The following MRPS18B variants were observed in gnomAD, a reference collection of about 807,000 sequenced individuals.
The protein encoded by MRPS18B is mitochondrial ribosomal protein S18B, also known as small ribosomal subunit protein mS40.
A neutral mutation model predicts 28.4 loss-of-function variants in MRPS18B; 27 were observed. The observed-to-expected ratio is 0.95, with a 90% CI of 0.70 to 1.31. The LOEUF (loss-of-function observed/expected upper bound fraction) is 1.31. Among genes scored for constraint, MRPS18B ranks in the 40% most tolerant of loss-of-function variants. MRPS18B has a pLI of 0.00. For synonymous variants in MRPS18B, 118 were observed against 123.7 expected, an observed-to-expected ratio of 0.95 and a Z score of 0.30; for missense variants, 343 against 335.9, an observed-to-expected ratio of 1.02 and a Z score of -0.17.
chr6:30,624,979 G>A, intron 6 of MRPS18B, 37 bp downstream of exon 6: 1 of 1,609,846 alleles, frequency 6.2e-7, no homozygotes, highest in Non-Finnish European at 8.5e-7. Flanking sequence ...GTTTTGTTTA[G>A]GTATAAGGAA....
At chr6:30,621,334 G>A (rs1166431747) in intron 4 of MRPS18B, among the ~76,000 whole-genome samples, 8 of 152,158 alleles carry the variant, frequency 5.3e-5, no homozygotes, top group Non-Finnish European at 5.9e-5. Flanking sequence ...CCCGGGAGGC[G>A]GAGGTTGCAG....
chr6:30,625,930 G>A lies in MRPS18B; in HGVS notation c.*133G>A, dbSNP rs759210306. 146 of 978,326 alleles carry A rather than the reference G, an allele frequency of 1.5e-4. 1 individual carries two copies. The highest frequency in any genetic ancestry group is 1.8e-4 in the Non-Finnish European group (122 of 669,854). The allele number at this position is 978,326 out of a possible 1,614,324, so 60.6% of individuals were successfully genotyped here. A position where few individuals can be genotyped will look rare whatever the true frequency, so the allele number is the denominator to read the frequency against. On this transcript the variant is annotated 3_prime_UTR_variant, in exon 7 of 7. Coordinates refer to ENST00000259873, the MANE Select transcript of MRPS18B (RefSeq NM_014046.4). The stretch of plus-strand genomic sequence containing the variant: ...AGCCTGGGCACCATGGTGAAACCTC[G>A]TCTTTACCAAAAAATACAAAAATTA...
At chr6:30,622,388 G>T (rs766195132) in intron 4 of MRPS18B, among the ~76,000 whole-genome samples, 2 of 151,392 alleles carry the variant, frequency 1.3e-5, no homozygotes, top group Non-Finnish European at 2.9e-5. Context: ...TGGTGAAACC[G>T]CATCTCTACT....
Position 30,619,961 on chromosome 6 carries a change from G to A in MRPS18B, c.326G>A (p.Arg109Gln), listed in dbSNP as rs771737821. 2.1e-5 allele frequency: 34 copies of A among 1,613,982 alleles called. No individual in the cohort carries two copies. The highest frequency in any genetic ancestry group is 1.6e-4 in the Middle Eastern group (1 of 6,084). Reference protein sequence around the residue: ...KVVGNPCPICRDHKLHVDFRN... With the variant: ...KVVGNPCPICQDHKLHVDFRN... ...GTTGGGAATCCCTGCCCCATCTGTC[G>A]AGATCACAAGTTGCATGTTGACTTT... Residue 109 changes from arginine to glutamine, a missense_variant, in exon 4 of 7, where the codon CGA becomes CAA. Arg to Gln is a conservative substitution (Grantham distance 43). Coordinates refer to ENST00000259873, the MANE Select transcript of MRPS18B (RefSeq NM_014046.4).
chr6:30,622,903 G>A lies in MRPS18B; in HGVS notation c.421+5G>A. ...TCTTCTATGCTCCATACACAGGTTA[G>A]CCCATCATCCCTGCACCACCAGAGA... is the stretch of plus-strand genomic sequence containing the variant. On this transcript the variant is annotated splice_donor_5th_base_variant and intron_variant, in intron 5 of 6. Coordinates refer to ENST00000259873, the MANE Select transcript of MRPS18B (RefSeq NM_014046.4). The A allele has an allele frequency of 6.2e-7, 1 of 1,612,700 alleles. No homozygotes were observed. Among genetic ancestry groups the A allele is most frequent in the African/African-American group, 1.3e-5 (1 of 75,036 alleles).
rs550001194 is a variant in MRPS18B at position 30,623,294 on chromosome 6, G to A, written c.421+396G>A. On this transcript the variant is annotated intron_variant, in intron 5 of 6. Transcript: ENST00000259873. The stretch of plus-strand genomic sequence containing the variant: ...ACAGGTTGTGGTGAGCCAACATTGC[G>A]CCATTGCACTCCAGCCTGGGCATCA... Among the ~76,000 whole-genome samples the A allele has an allele frequency of 6.0e-5, 9 of 150,690 alleles. No homozygotes were observed. The East Asian group carries it at 1.4e-3, about 23-fold the overall frequency.
chr6:30,625,591 C>T lies in MRPS18B; in HGVS notation c.571C>T (p.Pro191Ser), dbSNP rs372687363. The T allele has an allele frequency of 6.2e-7, 1 of 1,612,030 alleles. No homozygotes were observed. Among genetic ancestry groups the T allele is most frequent in the Non-Finnish European group, 8.5e-7 (1 of 1,179,142 alleles). ...GGCTGTGAGTGCTACTCCGCCAGCC[C>T]CCACCCTGGTCTCAGGTGACCCCTG... ...HGAVSATPPA[P>S]TLVSGDPWYP... Residue 191 changes from proline to serine, a missense_variant, in exon 7 of 7, where the codon CCC becomes TCC. By Grantham distance (74) the Pro-to-Ser change is moderately conservative. Transcript: ENST00000259873.
At chr6:30,624,585 C>T (rs779150584) in intron 5 of MRPS18B, among the ~76,000 whole-genome samples, 3 of 152,178 alleles carry the variant, frequency 2.0e-5, no homozygotes, top group Non-Finnish European at 4.4e-5. Context: ...TCAACTCAAC[C>T]CTCTAATTAA....
Position 30,622,759 on chromosome 6 carries a change from C to T in MRPS18B, c.355-73C>T, listed in dbSNP as rs147266580. On this transcript the variant is annotated intron_variant, in intron 4 of 6. Coordinates refer to ENST00000259873, the MANE Select transcript of MRPS18B (RefSeq NM_014046.4). ...CATGTGGGTGTGTAGGGATTGTGTA[C>T]TTTCGATGTCCAAAGATCCTGCTGC... is the stretch of plus-strand genomic sequence containing the variant. The T allele has an allele frequency of 2.0e-3, 2,935 of 1,444,232 alleles. 41 individuals are homozygous for T. The African/African-American group carries it at 0.035, about 17-fold the overall frequency. 89.5% of individuals were successfully genotyped at this position (1,444,232 alleles called of 1,614,324 possible).
rs775636623 is a variant in MRPS18B at position 30,625,765 on chromosome 6, A to C, written c.745A>C (p.Thr249Pro). The C allele has an allele frequency of 6.2e-7, 1 of 1,612,508 alleles. No homozygotes were observed. The highest frequency in any genetic ancestry group is 1.3e-5 in the African/African-American group (1 of 74,910). The change falls in exon 7 of 7, where the codon ACT becomes CCT. Residue 249 changes from threonine (T) to proline (P), a missense_variant. Transcript: ENST00000259873. ...TAGAACACCAGCGGAAGCCTCCTCC[A>C]CTGGGCAGACAGGCCCTCAGAGTGC... ...PPRTPAEASS[T>P]GQTGPQSAL
intron 4 of MRPS18B, 77 bp downstream of exon 4, chr6:30,620,066 C>G (rs1337616688): frequency 8.3e-6 from 12 of 1,442,404 alleles, no homozygotes; most frequent in Non-Finnish European, 1.2e-5. Flanking sequence ...GCCTGTAATC[C>G]CAGCACTTTG....
rs759454468 is a variant in MRPS18B at position 30,625,763 on chromosome 6, C to T, written c.743C>T (p.Ser248Phe). Residue 248 changes from serine (S) to phenylalanine (F), a missense_variant, in exon 7 of 7, where the codon TCC (serine) becomes TTC (phenylalanine). Physicochemically the swap from Ser to Phe is radical, Grantham distance 155. Transcript: ENST00000259873. ...CCTAGAACACCAGCGGAAGCCTCCT[C>T]CACTGGGCAGACAGGCCCTCAGAGT... ...MPPRTPAEAS[S>F]TGQTGPQSAL 1.2e-6 allele frequency: 2 copies of T among 1,612,786 alleles called. No homozygotes were observed. Among genetic ancestry groups the T allele is most frequent in the Non-Finnish European group, 1.7e-6 (2 of 1,179,756 alleles).
At chr6:30,620,657 C>T (rs1393517508) in intron 4 of MRPS18B, among the ~76,000 whole-genome samples, 1 of 151,958 alleles carries the variant, frequency 6.6e-6, no homozygotes, top group East Asian at 1.9e-4. Context: ...GCAACCTCCG[C>T]CTTCTGGGTT....
In MRPS18B at chr6:30,625,526, A is replaced by C; in HGVS notation, c.506A>C (p.Gln169Pro). 6.3e-7 allele frequency: 1 copy of C among 1,574,898 alleles called. No individual in the cohort carries two copies. Among genetic ancestry groups the C allele is most frequent in the Non-Finnish European group, 8.7e-7 (1 of 1,153,498 alleles). Residue 169 changes from glutamine to proline, a missense_variant, in exon 7 of 7, where the codon CAG becomes CCG. Coordinates refer to ENST00000259873, the MANE Select transcript of MRPS18B (RefSeq NM_014046.4). ...DHGLLIYHIPQVEPRDLDFST... is the reference protein window; with the variant it reads ...DHGLLIYHIPPVEPRDLDFST... ...GGTCTCCTCATTTACCACATCCCCC[A>C]GGTTGAACCACGGGACCTTGACTTC... is the stretch of plus-strand genomic sequence containing the variant.
chr6:30,621,719 G>C (rs1761170473), intron 4 of MRPS18B, among the ~76,000 whole-genome samples: 1 of 152,136 alleles, frequency 6.6e-6, no homozygotes, highest in African/African-American at 2.4e-5. Context: ...CAAGGTGAGT[G>C]GATCACTTGA....
intron 6 of MRPS18B, 89 bp downstream of exon 6, chr6:30,625,031 G>C: frequency 2.2e-6 from 3 of 1,388,654 alleles, no homozygotes; most frequent in Non-Finnish European, 3.0e-6. Context: ...GCTCACACCT[G>C]TTCAAGATGG....
At position 30,624,952 on chromosome 6, in the gene MRPS18B, A is replaced by AG. The variant is rs1582714933; in HGVS notation, c.481+11dup. 2 of 1,612,984 alleles carry AG rather than the reference A, an allele frequency of 1.2e-6. No individual in the cohort carries two copies. Among genetic ancestry groups the AG allele is most frequent in the Non-Finnish European group, 1.7e-6 (2 of 1,179,910 alleles). ...AAAGCCAGGGATCATGGTGAGCATG[A>AG]GACGGGGCACACAGCAGTTTTGTTT... On this transcript the variant is annotated intron_variant, in intron 6 of 6. Transcript: ENST00000259873.
At chr6:30,624,806 C>T (rs1761381902) in intron 5 of MRPS18B, 77 bp from the exon 6 acceptor site, 3 of 1,522,696 alleles carry the variant, frequency 2.0e-6, no homozygotes, top group Admixed American at 1.7e-5. Flanking sequence ...CCAATCTACC[C>T]CTCTGTCACC....
chr6:30,625,024 C>G, intron 6 of MRPS18B, 82 bp downstream of exon 6: 1 of 1,466,762 alleles, frequency 6.8e-7, no homozygotes, highest in Non-Finnish European at 9.5e-7. Flanking sequence ...TATAAATGCT[C>G]ACACCTGTTC....
Sources: allele counts gnomAD v4.1 joint callset (sites outside exome capture counted in the v4.1 genomes callset), GRCh38; gene constraint gnomAD v4.1.1; transcripts MANE v1.5; gene names NCBI Gene and HGNC (gene_info 2026-07-23, HGNC 2026-07-21).